Variants in IGF1R observed in about 807,000 individuals in gnomAD.
IGF1R encodes the protein insulin-like growth factor 1 receptor.
Under a neutral mutation model 144.6 loss-of-function variants are expected in IGF1R, and 44 were observed. The ratio of observed to expected loss-of-function variants is 0.30; its 90% confidence interval spans 0.24 to 0.39. IGF1R has a LOEUF of 0.39. Ranked by LOEUF, IGF1R falls within the 10% of genes least tolerant of loss-of-function variation. IGF1R has a pLI of 1.00. For missense variants in IGF1R, 1,355 were observed against 1,833.7 expected (o/e 0.74, Z 4.77); for synonymous variants, 795 against 722.8 (o/e 1.10, Z -1.60).
At chr15:98,746,501 A>AC (rs1283241823) in intron 2 of IGF1R, among the ~76,000 whole-genome samples, 1 of 152,132 alleles carries the variant, frequency 6.6e-6, no homozygotes, top group African/African-American at 2.4e-5. Context: ...GTACACTGTC[A>AC]GGGCGCCTCT....
chr15:98,849,031 C>T (rs1182840617), intron 2 of IGF1R, among the ~76,000 whole-genome samples: 1 of 151,564 alleles, frequency 6.6e-6, no homozygotes, highest in Non-Finnish European at 1.5e-5. Flanking sequence ...AATATAAATC[C>T]AAATACAACA....
Position 98,675,826 on chromosome 15 carries a change from C to CTTTTT in IGF1R, c.94+26166_94+26170dup, listed in dbSNP as rs869068918. The stretch of plus-strand genomic sequence containing the variant: ...TTTTCTTTTTTTTCTTTCTTTCTTT[C>CTTTTT]TTTTTTTTTTTTTTTTTTTGAGAGA... On this transcript the variant is annotated intron_variant, in intron 1 of 20. Coordinates refer to ENST00000650285, the MANE Select transcript of IGF1R (RefSeq NM_000875.5). Among the ~76,000 whole-genome samples the CTTTTT allele has an allele frequency of 6.2e-3, 285 of 46,148 alleles. 9 individuals carry two copies. The highest frequency in any genetic ancestry group is 0.013 in the African/African-American group (265 of 20,828). The allele number at this position is 46,148 out of a possible 152,430, so 30.3% of individuals were successfully genotyped here.
At chr15:98,785,826 G>T (rs148716064) in intron 2 of IGF1R, among the ~76,000 whole-genome samples, 2 of 152,242 alleles carry the variant, frequency 1.3e-5, no homozygotes, top group African/African-American at 4.8e-5. Flanking sequence ...CATGTGAGGT[G>T]CCCCAATAAA....
intron 2 of IGF1R, among the ~76,000 whole-genome samples, chr15:98,746,967 A>C (rs569684933): frequency 6.6e-6 from 1 of 152,198 alleles, no homozygotes; most frequent in Non-Finnish European, 1.5e-5. Flanking sequence ...AGTTGAACCT[A>C]TGCTCTCTTG....
rs1407570681 is a variant in IGF1R at position 98,959,465 on chromosome 15, G to C, written c.*2023G>C. The C allele has an allele frequency of 4.3e-6, 1 of 233,612 alleles. No homozygotes were observed. Among genetic ancestry groups the C allele is most frequent in the Non-Finnish European group, 8.5e-6 (1 of 118,138 alleles). The allele number at this position is 233,612 out of a possible 1,614,324, so 14.5% of individuals were successfully genotyped here. ...CGTTGAGTGGGACCCCGGGATCCAGGCTGGCCCAGGGCGGCACCCTCAGGG... is the reference window on the plus strand; with the variant it reads ...CGTTGAGTGGGACCCCGGGATCCAGCCTGGCCCAGGGCGGCACCCTCAGGG... On this transcript the variant is annotated 3_prime_UTR_variant, in exon 21 of 21. Transcript: ENST00000650285.
intron 2 of IGF1R, among the ~76,000 whole-genome samples, chr15:98,838,350 G>A (rs189570804): frequency 8.5e-5 from 13 of 152,276 alleles, no homozygotes; most frequent in African/African-American, 2.4e-4. Flanking sequence ...AAAATAGCAC[G>A]TGACCCTGAA....
At chr15:98,863,974 G>T (rs1005718311) in intron 2 of IGF1R, among the ~76,000 whole-genome samples, 2 of 152,126 alleles carry the variant, frequency 1.3e-5, no homozygotes, top group African/African-American at 4.8e-5. Flanking sequence ...TAGAATAAAC[G>T]TGGCTGGGTG....
chr15:98,713,789 C>T (rs985558463), intron 2 of IGF1R, among the ~76,000 whole-genome samples: 1 of 152,202 alleles, frequency 6.6e-6, no homozygotes, highest in Non-Finnish European at 1.5e-5. Flanking sequence ...AAAACCCCAA[C>T]AAAACCTAAG....
chr15:98,741,424 T>C (rs1256237106), intron 2 of IGF1R, among the ~76,000 whole-genome samples: 1 of 152,152 alleles, frequency 6.6e-6, no homozygotes, highest in Non-Finnish European at 1.5e-5. Flanking sequence ...CTGCCTGATT[T>C]GTGCTTTTTC....
intron 2 of IGF1R, among the ~76,000 whole-genome samples, chr15:98,769,770 G>A (rs1399207403): frequency 3.9e-5 from 6 of 152,230 alleles, no homozygotes; most frequent in Non-Finnish European, 2.9e-5. Context: ...CTGGGAATTT[G>A]TCATTCTCTT....
chr15:98,841,155 C>T (rs963874845), intron 2 of IGF1R, among the ~76,000 whole-genome samples: 8 of 151,866 alleles, frequency 5.3e-5, no homozygotes, highest in Admixed American at 2.0e-4. Flanking sequence ...CTTCAGGGTA[C>T]GAAGAAAAAA....
rs148102776 is a variant in IGF1R, at chr15:98,844,616, T to TTGTGTGTG, written c.641-46693_641-46686dup. Among the ~76,000 whole-genome samples, 251 of 149,556 alleles carry TTGTGTGTG rather than the reference T, an allele frequency of 1.7e-3. 2 individuals carry two copies. The highest frequency in any genetic ancestry group is 6.4e-4 in the South Asian group (3 of 4,720). On this transcript the variant is annotated intron_variant, in intron 2 of 20. Coordinates refer to ENST00000650285, the MANE Select transcript of IGF1R (RefSeq NM_000875.5). The stretch of plus-strand genomic sequence containing the variant: ...AAAAAGTTTTGCTGATTAACTATAT[T>TTGTGTGTG]TGTGTGTGTGTGTGTGTGTGTGTAT...
intron 2 of IGF1R, among the ~76,000 whole-genome samples, chr15:98,762,093 G>C (rs1343259279): frequency 1.3e-5 from 2 of 152,288 alleles, no homozygotes; most frequent in African/African-American, 4.8e-5. Flanking sequence ...TCCCATCTTT[G>C]TGATGATGTA....
intron 1 of IGF1R, chr15:98,650,774 C>T (rs957775766): frequency 2.2e-6 from 1 of 459,792 alleles, no homozygotes; most frequent in Non-Finnish European, 2.9e-6. Context: ...CGTCGTGTCG[C>T]CCTCTCTTCT....
chr15:98,886,447 A>G (rs2013645627), intron 2 of IGF1R, among the ~76,000 whole-genome samples: 1 of 152,218 alleles, frequency 6.6e-6, no homozygotes, highest in Admixed American at 6.5e-5. Flanking sequence ...TGGTCACTGT[A>G]AGAATTCCAA....
intron 8 of IGF1R, among the ~76,000 whole-genome samples, chr15:98,915,271 C>G (rs989680582): frequency 6.6e-6 from 1 of 152,208 alleles, no homozygotes; most frequent in Non-Finnish European, 1.5e-5. Context: ...CTATAATCGG[C>G]ATTCATTCTG....
chr15:98,755,707 A>C (rs1000070789), intron 2 of IGF1R, among the ~76,000 whole-genome samples: 2 of 133,576 alleles, frequency 1.5e-5, no homozygotes, highest in African/African-American at 5.5e-5. Context: ...TGACAGAGCA[A>C]AACTCCATTG....
chr15:98,792,096 A>G (rs1262762882), intron 2 of IGF1R, among the ~76,000 whole-genome samples: 1 of 152,198 alleles, frequency 6.6e-6, no homozygotes, highest in East Asian at 1.9e-4. Flanking sequence ...CCCCAAATTC[A>G]TTGTATGTAG....
At chr15:98,893,380 C>T (rs1251223000) in intron 3 of IGF1R, 2 of 152,204 alleles carry the variant, frequency 1.3e-5, no homozygotes, top group East Asian at 3.8e-4. Flanking sequence ...ACTCTGAATA[C>T]TTTAAAATGA....
Sources: allele counts gnomAD v4.1 joint callset (sites outside exome capture counted in the v4.1 genomes callset), GRCh38; gene constraint gnomAD v4.1.1; transcripts MANE v1.5; gene names NCBI Gene and HGNC (gene_info 2026-07-23, HGNC 2026-07-21).